The following TPRG1 variants were observed in gnomAD, a reference collection of about 807,000 sequenced individuals.
TPRG1 encodes the protein tumor protein p63 regulated 1, also known as tumor protein p63-regulated gene 1 protein.
In TPRG1, 29 loss-of-function variants were observed where a neutral mutation model predicts 29.3. That is an observed-to-expected ratio of 0.99 (90% CI 0.74 to 1.35). The LOEUF is 1.35. Among genes scored for constraint, TPRG1 ranks in the 40% most tolerant of loss-of-function variants. The probability of loss-of-function intolerance (pLI) is 0.00; values close to 1 mark genes in which losing one functional copy is unlikely to be tolerated. For missense variants in TPRG1, 327 were observed against 335.0 expected (o/e 0.98, Z 0.19); for synonymous variants, 130 against 116.8 (o/e 1.11, Z -0.73).
At chr3:189,158,736 G>A (rs1296339039) in intron 5 of TPRG1, among the ~76,000 whole-genome samples, 3 of 151,996 alleles carry the variant, frequency 2.0e-5, no homozygotes, top group Non-Finnish European at 2.9e-5. Flanking sequence ...AGCCCATCTC[G>A]TTCAGTTTGT....
intron 4 of TPRG1, chr3:189,267,542 C>G (rs1714324372): frequency 6.6e-6 from 1 of 152,096 alleles, no homozygotes; most frequent in Non-Finnish European, 1.5e-5. Context: ...AAAGAGACAA[C>G]AGAATGAAGA....
chr3:189,259,155 G>C (rs1266804306), intron 4 of TPRG1, among the ~76,000 whole-genome samples: 1 of 152,190 alleles, frequency 6.6e-6, no homozygotes, highest in Non-Finnish European at 1.5e-5. Context: ...CTCCTGGTCT[G>C]TGGGTTGTGA....
intron 3 of TPRG1, among the ~76,000 whole-genome samples, chr3:189,016,906 G>C (rs1712964677): frequency 6.6e-6 from 1 of 152,068 alleles, no homozygotes; most frequent in Non-Finnish European, 1.5e-5. Context: ...CTCAGTCTCT[G>C]GTAGTTCTCT....
chr3:189,206,626 G>C (rs1034374632), intron 1 of TPRG1, among the ~76,000 whole-genome samples: 5 of 151,360 alleles, frequency 3.3e-5, no homozygotes, highest in African/African-American at 1.2e-4. Context: ...TCAGCCTACC[G>C]AGTAGCTGAG....
intron 4 of TPRG1, among the ~76,000 whole-genome samples, chr3:189,252,329 T>C (rs1045078288): frequency 1.3e-4 from 20 of 152,204 alleles, no homozygotes; most frequent in South Asian, 4.2e-4. Flanking sequence ...CTCTCTTTCT[T>C]TTCCCCACAC....
At chr3:189,007,754 G>T (rs1162437861) in intron 3 of TPRG1, among the ~76,000 whole-genome samples, 1 of 139,220 alleles carries the variant, frequency 7.2e-6, no homozygotes, top group Non-Finnish European at 1.5e-5. Context: ...GTAGGGACAT[G>T]GATGAAATTG....
intron 3 of TPRG1, among the ~76,000 whole-genome samples, chr3:189,219,978 G>A (rs879694073): frequency 1.3e-5 from 2 of 152,178 alleles, no homozygotes; most frequent in East Asian, 3.8e-4. Flanking sequence ...AAGTGAAGTT[G>A]AAGAGTCAGC....
At chr3:189,277,341 G>A (rs1317723595) in intron 4 of TPRG1, among the ~76,000 whole-genome samples, 1 of 152,040 alleles carries the variant, frequency 6.6e-6, no homozygotes, top group Admixed American at 6.6e-5. Flanking sequence ...GATCCCAGGG[G>A]AATTTCAAAA....
chr3:189,041,221 C>G (rs1275932835), intron 4 of TPRG1, among the ~76,000 whole-genome samples: 1 of 152,136 alleles, frequency 6.6e-6, no homozygotes, highest in Non-Finnish European at 1.5e-5. Flanking sequence ...CCACCTCCCC[C>G]TAGAAAGAGG....
At chr3:189,116,339 G>C (rs904201512) in intron 1 of TPRG1, among the ~76,000 whole-genome samples, 2 of 151,946 alleles carry the variant, frequency 1.3e-5, no homozygotes, top group African/African-American at 4.8e-5. Context: ...ACCATGCCCG[G>C]CTAATTTTTT....
At chr3:189,243,532 C>T (rs149882378) in intron 4 of TPRG1, among the ~76,000 whole-genome samples, 21 of 151,926 alleles carry the variant, frequency 1.4e-4, no homozygotes, top group African/African-American at 1.9e-4. Flanking sequence ...TGAATTCTTC[C>T]CCTGAAAATT....
intron 3 of TPRG1, among the ~76,000 whole-genome samples, chr3:189,236,541 G>T (rs180953267): frequency 6.6e-6 from 1 of 152,274 alleles, no homozygotes; most frequent in African/African-American, 2.4e-5. Flanking sequence ...CTGTTTGGAG[G>T]TGAGTATCCA....
chr3:189,148,517 T>C (rs1003804919), intron 4 of TPRG1, among the ~76,000 whole-genome samples: 1 of 152,224 alleles, frequency 6.6e-6, no homozygotes, highest in Non-Finnish European at 1.5e-5. Context: ...GGAGAAAGTT[T>C]ATTTTAAACA....
chr3:189,020,945 T>G (rs1419250404), intron 3 of TPRG1, among the ~76,000 whole-genome samples: 1 of 133,788 alleles, frequency 7.5e-6, no homozygotes, highest in African/African-American at 2.8e-5. Flanking sequence ...TTTAGGATAG[T>G]TAGCTCTTCT....
At chr3:189,128,925 G>C (rs897886502) in intron 2 of TPRG1, among the ~76,000 whole-genome samples, 1 of 152,044 alleles carries the variant, frequency 6.6e-6, no homozygotes, top group South Asian at 2.1e-4. Flanking sequence ...GTGAGCTGCC[G>C]CACCCGGCCC....
chr3:189,221,724 C>A (rs1736964341), intron 3 of TPRG1, among the ~76,000 whole-genome samples: 1 of 152,200 alleles, frequency 6.6e-6, no homozygotes, highest in South Asian at 2.1e-4. Context: ...CTTTAAGTAT[C>A]CTGGTCCCCA....
chr3:189,003,185 C>T (rs991319407), intron 2 of TPRG1, among the ~76,000 whole-genome samples: 7 of 152,170 alleles, frequency 4.6e-5, no homozygotes, highest in East Asian at 3.9e-4. Context: ...CCACATTCCA[C>T]GCGCTAGTGT....
chr3:189,112,426 T>C (rs1278630318), intron 1 of TPRG1, among the ~76,000 whole-genome samples: 2 of 152,242 alleles, frequency 1.3e-5, no homozygotes, highest in African/African-American at 4.8e-5. Context: ...TTGCTTTTGA[T>C]GTTTTAGACG....
chr3:189,320,602 G>T, intron 5 of TPRG1, 24 bp from the exon 6 acceptor site: 4 of 1,575,610 alleles, frequency 2.5e-6, no homozygotes, highest in Non-Finnish European at 3.4e-6. Flanking sequence ...AACTAACTTT[G>T]TGCCTTCTTT....
Sources: gnomAD v4.1 joint callset for allele counts (sites outside exome capture counted in the v4.1 genomes callset) on GRCh38, gnomAD v4.1.1 for gene constraint, MANE v1.5 for transcripts, NCBI Gene and HGNC (gene_info 2026-07-23, HGNC 2026-07-21) for gene names.